The following SGCD variants were observed in gnomAD, a reference collection of about 807,000 sequenced individuals.
SGCD encodes the protein delta-sarcoglycan.
Under a neutral mutation model 36.6 loss-of-function variants are expected in SGCD, and 18 were observed. That is an observed-to-expected ratio of 0.49 (90% CI 0.34 to 0.73). The LOEUF is 0.73. Among genes scored for constraint, SGCD ranks in the 30% least tolerant of loss-of-function variants. The probability of loss-of-function intolerance (pLI) is 0.01; values close to 1 mark genes in which losing one functional copy is unlikely to be tolerated. For synonymous variants in SGCD, 133 were observed against 130.6 expected, an observed-to-expected ratio of 1.02 and a Z score of -0.12; for missense variants, 387 against 346.7, an observed-to-expected ratio of 1.12 and a Z score of -0.92.
In SGCD at chr5:156,601,902, C is replaced by T. The variant is rs542902168; in HGVS notation, c.502+6851C>T. On this transcript the variant is annotated intron_variant, in intron 6 of 8. Transcript: ENST00000337851. ...TTCACCGTGTTAGCCAGGATGATCT[C>T]GATCTCCTGACCTTGTGATCTGCCT... 1.8e-3 allele frequency among the ~76,000 whole-genome samples: 269 copies of T among 152,202 alleles called. 2 individuals are homozygous for T. Among genetic ancestry groups the T allele is most frequent in the Middle Eastern group, 6.8e-3 (2 of 294 alleles).
intron 3 of SGCD, among the ~76,000 whole-genome samples, chr5:156,293,676 C>G (rs1056417961): frequency 6.6e-6 from 1 of 152,038 alleles, no homozygotes; most frequent in Non-Finnish European, 1.5e-5. Context: ...GTCTATGTAT[C>G]TGTATTTATG....
At chr5:156,138,626 G>T (rs1047039621) in intron 3 of SGCD, among the ~76,000 whole-genome samples, 1 of 152,038 alleles carries the variant, frequency 6.6e-6, no homozygotes, top group African/African-American at 2.4e-5. Context: ...TTCCCATTTG[G>T]GAATAATAAG....
At chr5:155,955,185 A>T (rs1215138860) in intron 1 of SGCD, among the ~76,000 whole-genome samples, 1 of 152,042 alleles carries the variant, frequency 6.6e-6, no homozygotes, top group African/African-American at 2.4e-5. Context: ...CCTCACAGAC[A>T]CTCTCAGAAG....
At chr5:156,289,857 T>C (rs1766710975) in intron 3 of SGCD, among the ~76,000 whole-genome samples, 1 of 152,050 alleles carries the variant, frequency 6.6e-6, no homozygotes. Flanking sequence ...GAACCTACTG[T>C]ATGCAAAGTA....
At chr5:156,421,268 A>G (rs958066917) in intron 3 of SGCD, among the ~76,000 whole-genome samples, 2 of 152,108 alleles carry the variant, frequency 1.3e-5, no homozygotes, top group African/African-American at 4.8e-5. Flanking sequence ...CAGATTACAC[A>G]GTGCATTCAA....
intron 3 of SGCD, among the ~76,000 whole-genome samples, chr5:156,389,051 TC>T (rs1771427730): frequency 6.6e-6 from 1 of 152,140 alleles, no homozygotes; most frequent in South Asian, 2.1e-4. Flanking sequence ...ATACATTGCC[TC>T]CCATCACACT....
upstream of SGCD, among the ~76,000 whole-genome samples, chr5:155,870,018 A>G (rs1755601507): frequency 6.6e-6 from 1 of 152,116 alleles, no homozygotes; most frequent in South Asian, 2.1e-4. Flanking sequence ...AACAACAACA[A>G]CAACAACAAA....
chr5:156,261,402 A>G (rs1765859713), intron 3 of SGCD, among the ~76,000 whole-genome samples: 2 of 152,232 alleles, frequency 1.3e-5, no homozygotes, highest in Admixed American at 1.3e-4. Flanking sequence ...GATATACCAC[A>G]TATACTATGG....
intron 3 of SGCD, among the ~76,000 whole-genome samples, chr5:156,203,832 T>C (rs1372790179): frequency 6.6e-6 from 1 of 152,120 alleles, no homozygotes; most frequent in African/African-American, 2.4e-5. Flanking sequence ...CATCCAGTAC[T>C]ATGACATAGC....
At chr5:156,307,481 C>T (rs1008878911) in intron 3 of SGCD, among the ~76,000 whole-genome samples, 1 of 147,350 alleles carries the variant, frequency 6.8e-6, no homozygotes, top group Non-Finnish European at 1.5e-5. Flanking sequence ...AAATCATTTA[C>T]ATTTCAAGTA....
intron 1 of SGCD, among the ~76,000 whole-genome samples, chr5:155,893,647 C>G (rs550791404): frequency 7.2e-5 from 11 of 152,318 alleles, no homozygotes; most frequent in African/African-American, 2.4e-4. Flanking sequence ...TACCTGACAT[C>G]TTTAGTTTTC....
intron 3 of SGCD, among the ~76,000 whole-genome samples, chr5:156,228,781 T>C (rs547482062): frequency 6.8e-6 from 1 of 146,486 alleles, no homozygotes; most frequent in South Asian, 2.1e-4. Context: ...AAGTTCTGTT[T>C]TGATGTGTTT....
chr5:155,957,394 C>T (rs1191145044), intron 1 of SGCD, among the ~76,000 whole-genome samples: 1 of 152,006 alleles, frequency 6.6e-6, no homozygotes, highest in Non-Finnish European at 1.5e-5. Context: ...AATGACTAGT[C>T]CCTATGGGAG....
At chr5:156,296,171 T>C (rs373595659) in intron 3 of SGCD, among the ~76,000 whole-genome samples, 3 of 152,266 alleles carry the variant, frequency 2.0e-5, no homozygotes, top group East Asian at 3.9e-4. Flanking sequence ...CTGTTATATC[T>C]TCACAGTCCA....
intron 6 of SGCD, among the ~76,000 whole-genome samples, chr5:156,600,624 T>C (rs1012154656): frequency 6.6e-6 from 1 of 152,210 alleles, no homozygotes; most frequent in African/African-American, 2.4e-5. Flanking sequence ...TGACTAGTAC[T>C]GCAGTAAACG....
chr5:156,511,635 CCAAT>C (rs1477055073), intron 4 of SGCD, among the ~76,000 whole-genome samples: 12 of 152,180 alleles, frequency 7.9e-5, no homozygotes, highest in Non-Finnish European at 1.5e-4. Flanking sequence ...CCTCCTTCAC[CCAAT>C]CAGTCCATTT....
At chr5:155,771,932 A>G in the SGCD span, among the ~76,000 whole-genome samples, 4 of 152,194 alleles carry the variant, frequency 2.6e-5, no homozygotes, top group Non-Finnish European at 5.9e-5. Flanking sequence ...TTCTCTTTCA[A>G]TAAAAGCTGC....
intron 3 of SGCD, among the ~76,000 whole-genome samples, chr5:156,349,538 A>G (rs1432932965): frequency 1.3e-5 from 2 of 152,166 alleles, no homozygotes; most frequent in Non-Finnish European, 2.9e-5. Flanking sequence ...TTAAAACCAC[A>G]ATGAGATACC....
At chr5:156,225,382 T>C (rs1476971068) in intron 3 of SGCD, among the ~76,000 whole-genome samples, 3 of 152,120 alleles carry the variant, frequency 2.0e-5, no homozygotes, top group East Asian at 1.9e-4. Flanking sequence ...AACACAAAAC[T>C]TTTATGAGCA....
Sources: allele counts gnomAD v4.1 joint callset (sites outside exome capture counted in the v4.1 genomes callset), GRCh38; gene constraint gnomAD v4.1.1; transcripts MANE v1.5; gene names NCBI Gene and HGNC (gene_info 2026-07-23, HGNC 2026-07-21).